FAT3: variants seen among roughly 807,000 people sequenced by gnomAD.
FAT3 encodes the protein protocadherin Fat 3.
In FAT3, 95 loss-of-function variants were observed where a neutral mutation model predicts 310.2. That is an observed-to-expected ratio of 0.31 (90% CI 0.26 to 0.36). The LOEUF is 0.36. Ranked by LOEUF, FAT3 falls within the 10% of genes least tolerant of loss-of-function variation. FAT3 has a pLI of 1.00. For synonymous variants in FAT3, 2,314 were observed against 2,192.9 expected (o/e 1.06, Z -1.54); for missense variants, 5,408 against 5,715.6 (o/e 0.95, Z 1.74).
intron 23 of FAT3, among the ~76,000 whole-genome samples, chr11:92,881,102 T>C (rs1309960845): frequency 2.0e-5 from 3 of 152,230 alleles, no homozygotes; most frequent in Non-Finnish European, 4.4e-5. Flanking sequence ...TTCTACTTTA[T>C]GTTTCCCTAT....
chr11:92,657,620 C>T (rs974117831), intron 3 of FAT3, among the ~76,000 whole-genome samples: 1 of 152,208 alleles, frequency 6.6e-6, no homozygotes, highest in Non-Finnish European at 1.5e-5. Flanking sequence ...AGATGAGTTA[C>T]ACAGCATTTT....
At chr11:92,731,097 T>C (rs1422982280) in intron 4 of FAT3, among the ~76,000 whole-genome samples, 4 of 152,224 alleles carry the variant, frequency 2.6e-5, no homozygotes, top group Admixed American at 2.0e-4. Flanking sequence ...AGAATGTCCT[T>C]CAGTCCAACA....
chr11:92,469,171 T>C lies in FAT3; in HGVS notation c.3293-55463T>C, dbSNP rs16917614. 1.1e-4 allele frequency among the ~76,000 whole-genome samples: 16 copies of C among 152,298 alleles called. No homozygotes were observed. The East Asian group carries it at 2.9e-3, about 28-fold the overall frequency. On this transcript the variant is annotated intron_variant, in intron 2 of 27. Coordinates refer to ENST00000525166, the MANE Select transcript of FAT3 (RefSeq NM_001367949.2). ...AAAAGGCAGGCATGTGGGATCTTGA[T>C]TGTTTCATTCAAAAACCCAAAATTG...
chr11:92,531,256 G>A (rs11603472), intron 3 of FAT3, among the ~76,000 whole-genome samples: 19,041 of 152,148 alleles, frequency 0.13, 1,658 homozygotes, highest in Non-Finnish European at 0.19. Flanking sequence ...GATTTATCAC[G>A]GGGGTTATTT....
In FAT3 at chr11:92,800,154, C is replaced by T. The variant is rs777397427; in HGVS notation, c.7141C>T (p.His2381Tyr). Residue 2381 changes from histidine (H) to tyrosine (Y), a missense_variant, in exon 10 of 28, where the codon CAT (histidine) becomes TAT (tyrosine). Around this residue, in one of 5 missense-constraint regions of FAT3, gnomAD observed 4,588 missense variants for 4,809.8 expected, o/e 0.95. Coordinates refer to ENST00000525166, the MANE Select transcript of FAT3 (RefSeq NM_001367949.2). The part of the protein sequence containing the change: ...FPSLSSEVLV[H>Y]IYISDVNDNP... ...ATCACTGAGCAGTGAGGTTCTCGTT[C>T]ATATCTACATCTCTGATGTAAATGA... The T allele has an allele frequency of 3.1e-6, 5 of 1,613,910 alleles. No homozygotes were observed. The highest frequency in any genetic ancestry group is 4.2e-6 in the Non-Finnish European group (5 of 1,179,850).
At chr11:92,407,384 C>A (rs540979392) in intron 2 of FAT3, among the ~76,000 whole-genome samples, 2 of 152,274 alleles carry the variant, frequency 1.3e-5, no homozygotes, top group South Asian at 4.1e-4. Context: ...CTTCATACAT[C>A]TCTTAAACAC....
chr11:92,721,928 A>G (rs575059489), intron 4 of FAT3, among the ~76,000 whole-genome samples: 3 of 152,192 alleles, frequency 2.0e-5, no homozygotes, highest in East Asian at 1.9e-4. Flanking sequence ...ACCCACCTCC[A>G]TGATTTAAGT....
At chr11:92,565,295 G>A (rs1362929537) in intron 3 of FAT3, among the ~76,000 whole-genome samples, 2 of 150,984 alleles carry the variant, frequency 1.3e-5, no homozygotes, top group Non-Finnish European at 3.0e-5. Flanking sequence ...AGAAGAAACG[G>A]ATAAATTCCT....
At chr11:92,329,294 G>A (rs75392993) in intron 1 of FAT3, among the ~76,000 whole-genome samples, 14 of 151,928 alleles carry the variant, frequency 9.2e-5, no homozygotes, top group African/African-American at 3.4e-4. Flanking sequence ...CCCTCCCTCC[G>A]AGATGAGTGA....
chr11:92,861,012 C>T (rs544402643), intron 21 of FAT3, among the ~76,000 whole-genome samples: 8 of 152,264 alleles, frequency 5.3e-5, no homozygotes, highest in Admixed American at 3.3e-4. Context: ...TTTTAGAGAA[C>T]GATGCATTCA....
chr11:92,353,885 T>A lies in FAT3; in HGVS notation c.1773T>A (p.Phe591Leu), dbSNP rs755149520. ...VACQGVISYD[F>L]PVGGHITAVS... ...GCCAGGGAGTTATTTCATATGACTTTCCAGTTGGTGGTCACATCACAGCAG... is the reference window on the plus strand; with the variant it reads ...GCCAGGGAGTTATTTCATATGACTTACCAGTTGGTGGTCACATCACAGCAG... The change falls in exon 2 of 28, where the codon TTT becomes TTA. Residue 591 changes from phenylalanine to leucine, a missense_variant. Phe to Leu is a conservative substitution (Grantham distance 22). Transcript: ENST00000525166. The A allele has an allele frequency of 3.1e-6, 5 of 1,613,396 alleles. No individual in the cohort carries two copies. The highest frequency in any genetic ancestry group is 1.1e-5 in the South Asian group (1 of 91,074).
chr11:92,306,635 T>TA (rs1370568480), intron 1 of FAT3, among the ~76,000 whole-genome samples: 2 of 122,296 alleles, frequency 1.6e-5, no homozygotes, highest in African/African-American at 6.3e-5. Flanking sequence ...TATATTTATA[T>TA]TATATATATT....
chr11:92,887,236 T>C (rs766286456), intron 25 of FAT3, 123 bp downstream of exon 25: 10 of 786,988 alleles, frequency 1.3e-5, no homozygotes, highest in Admixed American at 4.8e-5. Flanking sequence ...CTTTTGAGCG[T>C]GTTCACCAGG....
chr11:92,855,540 G>A (rs1467061112), intron 19 of FAT3, among the ~76,000 whole-genome samples: 1 of 152,168 alleles, frequency 6.6e-6, no homozygotes, highest in Non-Finnish European at 1.5e-5. Flanking sequence ...ATTATTTGTT[G>A]AATAAATGCA....
chr11:92,593,115 CATGTTGT>C (rs1939520740), intron 3 of FAT3, among the ~76,000 whole-genome samples: 1 of 152,224 alleles, frequency 6.6e-6, no homozygotes, highest in South Asian at 2.1e-4. Context: ...AAGGTTTATC[CATGTTGT>C]ATGTGTCGGA....
intron 2 of FAT3, among the ~76,000 whole-genome samples, chr11:92,491,481 G>A (rs1211808850): frequency 1.3e-5 from 2 of 151,906 alleles, no homozygotes; most frequent in East Asian, 3.9e-4. Context: ...TACTACAACT[G>A]GGATTTTGAA....
intron 4 of FAT3, among the ~76,000 whole-genome samples, chr11:92,756,949 A>C (rs1333027457): frequency 9.0e-6 from 1 of 111,198 alleles, no homozygotes; most frequent in African/African-American, 3.6e-5. Flanking sequence ...TTTTAGACAG[A>C]GGTTTGCTCT....
At chr11:92,860,335 A>T (rs1161648401) in intron 21 of FAT3, among the ~76,000 whole-genome samples, 1 of 152,084 alleles carries the variant, frequency 6.6e-6, no homozygotes, top group African/African-American at 2.4e-5. Context: ...TGGATCCCAC[A>T]CTCTAGTCTC....
At chr11:92,294,480 G>C (rs987691196) in intron 1 of FAT3, among the ~76,000 whole-genome samples, 3 of 151,980 alleles carry the variant, frequency 2.0e-5, no homozygotes, top group African/African-American at 7.2e-5. Context: ...CCATTGCCAA[G>C]TCATACTATA....
Sources: allele counts gnomAD v4.1 joint callset (sites outside exome capture counted in the v4.1 genomes callset), GRCh38; gene constraint gnomAD v4.1.1; regional missense constraint gnomAD v4.1.1; transcripts MANE v1.5; gene names NCBI Gene and HGNC (gene_info 2026-07-23, HGNC 2026-07-21).